The following SLC35A2 variants were observed in gnomAD, a reference collection of about 807,000 sequenced individuals.
SLC35A2 encodes the protein UDP-galactose translocator.
SLC35A2 carries 1 observed loss-of-function variant against 17.3 expected under a neutral mutation model. The observed-to-expected ratio is 0.06, with a 90% CI of 0.02 to 0.27. SLC35A2 has a LOEUF of 0.27. Ranked by LOEUF, SLC35A2 falls within the 10% of genes least tolerant of loss-of-function variation. The pLI, the probability that SLC35A2 is intolerant of heterozygous loss-of-function variation, is 1.00. For missense variants in SLC35A2, 191 were observed against 339.3 expected (o/e 0.56, Z 3.43); for synonymous variants, 161 against 161.3 (o/e 1.00, Z 0.01).
At chrX:48,910,545 C>T (rs1463985003) in intron 1 of SLC35A2, among the ~76,000 whole-genome samples, 1 of 111,405 alleles carries the variant, frequency 9.0e-6, no homozygotes, top group African/African-American at 3.3e-5. Flanking sequence ...AATAACACAT[C>T]AATGCAGGGA....
At position 48,903,436 on chromosome X, in the gene SLC35A2, G is replaced by A. The variant is rs782611375; in HGVS notation, c.*2C>T. 15 of 571,809 alleles carry A rather than the reference G, an allele frequency of 2.6e-5. No individual in the cohort carries two copies. The highest frequency in any genetic ancestry group is 4.2e-5 in the Non-Finnish European group (13 of 312,391). 47.1% of individuals were successfully genotyped at this position (571,809 alleles called of 1,213,427 possible). A position where few individuals can be genotyped will look rare whatever the true frequency, so the allele number is the denominator to read the frequency against. On this transcript the variant is annotated 3_prime_UTR_variant, in exon 5 of 5. Transcript: ENST00000247138. ...CCAGGCCAATGTCTTCAATCCCAGCGGCTAGGAACCCTTCACCTTGGTGAG... is the reference window on the plus strand; with the variant it reads ...CCAGGCCAATGTCTTCAATCCCAGCAGCTAGGAACCCTTCACCTTGGTGAG...
chrX:48,910,321 C>T, intron 1 of SLC35A2: 1 of 1,119,195 alleles, frequency 8.9e-7, no homozygotes, highest in Non-Finnish European at 1.2e-6. Flanking sequence ...AGCAACTCTT[C>T]CCCAGAAAGA....
At chrX:48,911,728 G>A (rs1412835640), upstream of SLC35A2, 11 of 1,154,920 alleles carry the variant, frequency 9.5e-6, no homozygotes, top group Non-Finnish European at 1.3e-5. Flanking sequence ...TGAAGGTGGA[G>A]CGAGAGCCGG....
In SLC35A2 at chrX:48,909,794, GC is replaced by G; in HGVS notation, c.274+19del. On this transcript the variant is annotated intron_variant, in intron 2 of 4. Transcript: ENST00000247138. ...AGTCTCACCCACCGACCCCAGTGCAGCCCCATCCCTGGTTCGTACCCCTCTT... is the reference window on the plus strand; with the variant it reads ...AGTCTCACCCACCGACCCCAGTGCAGCCCATCCCTGGTTCGTACCCCTCTT... 1 of 1,190,523 alleles carries G rather than the reference GC, an allele frequency of 8.4e-7. No homozygotes were observed.
In SLC35A2 at chrX:48,905,222, G is replaced by T. The variant is rs1170491477; in HGVS notation, c.687C>A (p.Gly229=). Residue 229 remains glycine, a synonymous_variant, in exon 4 of 5, where the codon GGC becomes GGA. Transcript: ENST00000247138. ...GTTGCAGGTTGCGCAGCCACACGGA[G>T]CCTGAGCTGCCTTTGAGGATCTTCT... The part of the protein sequence containing the change: ...YFEKILKGSS[G]SVWLRNLQLG... The T allele has an allele frequency of 8.3e-7, 1 of 1,206,514 alleles. No individual in the cohort carries two copies. The highest frequency in any genetic ancestry group is 1.1e-6 in the Non-Finnish European group (1 of 893,407).
upstream of SLC35A2, chrX:48,911,656 G>A (rs1557044144): frequency 1.5e-5 from 17 of 1,155,544 alleles, no homozygotes; most frequent in Non-Finnish European, 1.6e-5. Flanking sequence ...TGCCCGGCCC[G>A]TCCCCTCGGC....
At chrX:48,906,312 A>AC (rs782125178) in intron 3 of SLC35A2, 80 bp downstream of exon 3, 27 of 935,589 alleles carry the variant, frequency 2.9e-5, no homozygotes, top group East Asian at 6.6e-5. Flanking sequence ...CCTCTGCAAC[A>AC]CCCCCCCACC....
chrX:48,911,807 C>T, upstream of SLC35A2: 1 of 1,167,563 alleles, frequency 8.6e-7, no homozygotes, highest in Non-Finnish European at 1.1e-6. Flanking sequence ...CCGGGATTTC[C>T]AAATTCCGTC....
At chrX:48,904,685 C>T (rs1557042566) in intron 4 of SLC35A2, 61 bp downstream of exon 4, 2 of 1,210,082 alleles carry the variant, frequency 1.7e-6, no homozygotes, top group Admixed American at 4.4e-5. Flanking sequence ...ACACCCTCCA[C>T]CCCAGTCCCC....
Position 48,909,888 on chromosome X carries a change from G to A in SLC35A2, c.200C>T (p.Ala67Val). The A allele has an allele frequency of 8.3e-7, 1 of 1,209,603 alleles. No individual in the cohort carries two copies. Among genetic ancestry groups the A allele is most frequent in the Non-Finnish European group, 1.1e-6 (1 of 894,108 alleles). ...TTCCGCCATGACCACAGCAGTGGTGGCAAAGAAGCGGTCCCCTGGCAACGT... is the reference window on the plus strand; with the variant it reads ...TTCCGCCATGACCACAGCAGTGGTGACAAAGAAGCGGTCCCCTGGCAACGT... ...ARTLPGDRFF[A>V]TTAVVMAEVL... Residue 67 changes from alanine (A) to valine (V), a missense_variant, in exon 2 of 5, where the codon GCC becomes GTC. Coordinates refer to ENST00000247138, the MANE Select transcript of SLC35A2 (RefSeq NM_005660.3).
At position 48,905,072 on chromosome X, in the gene SLC35A2, G is replaced by A. The variant is rs1557042779; in HGVS notation, c.837C>T (p.Ala279=). The A allele has an allele frequency of 5.8e-6, 7 of 1,211,720 alleles. No individual in the cohort carries two copies. Among genetic ancestry groups the A allele is most frequent in the Non-Finnish European group, 7.8e-6 (7 of 895,350 alleles). ...CCACAGCCACCAGTAGCCCGCCGAAGGCCTGGTTGAGCACCACGCCCCAGA... is the reference window on the plus strand; with the variant it reads ...CCACAGCCACCAGTAGCCCGCCGAAAGCCTGGTTGAGCACCACGCCCCAGA... ...PAVWGVVLNQ[A]FGGLLVAVVV... The change falls in exon 4 of 5, where the codon GCC becomes GCT. Residue 279 remains alanine (A), a synonymous_variant. Transcript: ENST00000247138.
intron 4 of SLC35A2, chrX:48,903,926 T>C (rs782649183): frequency 1.8e-5 from 14 of 766,498 alleles, no homozygotes; most frequent in African/African-American, 2.3e-5. Flanking sequence ...GGTAGCTTTT[T>C]CCTCTCCTAG....
chrX:48,904,547 T>G, intron 4 of SLC35A2, 199 bp downstream of exon 4: 1 of 1,173,190 alleles, frequency 8.5e-7, no homozygotes, highest in Non-Finnish European at 1.1e-6. Context: ...CCAGGAAGGG[T>G]TCACGTGACA....
intron 3 of SLC35A2, 117 bp from the exon 4 acceptor site, chrX:48,905,599 G>A (rs1207876935): frequency 4.3e-6 from 3 of 693,952 alleles, no homozygotes; most frequent in Non-Finnish European, 6.1e-6. Flanking sequence ...TGGGGGGTAT[G>A]ACAGCAAAAA....
At chrX:48,907,817 T>C (rs1389240208) in intron 2 of SLC35A2, among the ~76,000 whole-genome samples, 1 of 110,428 alleles carries the variant, frequency 9.1e-6, no homozygotes, top group East Asian at 2.9e-4. Context: ...AGGTCAGGAG[T>C]TCGAGACCAG....
At chrX:48,911,862 C>T (rs1557044210), upstream of SLC35A2, 2 of 1,167,522 alleles carry the variant, frequency 1.7e-6, no homozygotes, top group Non-Finnish European at 2.3e-6. Context: ...TACCCACCAT[C>T]CCTACAGAGC....
At chrX:48,909,760 T>C in intron 2 of SLC35A2, 54 bp downstream of exon 2, 1 of 1,034,434 alleles carries the variant, frequency 9.7e-7, no homozygotes, top group East Asian at 3.3e-5. Context: ...CACACACACA[T>C]ACATGTGGAG....
intron 2 of SLC35A2, among the ~76,000 whole-genome samples, chrX:48,906,762 C>T (rs2063493475): frequency 2.7e-5 from 3 of 112,548 alleles, no homozygotes; most frequent in South Asian, 3.6e-4. Flanking sequence ...AAAGAATCAG[C>T]CATCCGTGTC....
intron 4 of SLC35A2, chrX:48,904,328 T>G: frequency 9.8e-7 from 1 of 1,024,209 alleles, no homozygotes. Context: ...GCTGCGGGAG[T>G]TTTGTCCAGT....
Sources: gnomAD v4.1 joint callset for allele counts (sites outside exome capture counted in the v4.1 genomes callset) on GRCh38, gnomAD v4.1.1 for gene constraint, MANE v1.5 for transcripts, NCBI Gene and HGNC (gene_info 2026-07-23, HGNC 2026-07-21) for gene names.